The following TCP10L variants were observed in gnomAD, a reference collection of about 807,000 sequenced individuals.
TCP10L encodes the protein t-complex 10 like.
Under a neutral mutation model 19.2 loss-of-function variants are expected in TCP10L, and 11 were observed. The observed-to-expected ratio is 0.57, with a 90% CI of 0.36 to 0.95. TCP10L has a LOEUF of 0.95. Among genes scored for constraint, TCP10L ranks in the 40% least tolerant of loss-of-function variants. The pLI is 0.01. For missense variants in TCP10L, 247 were observed against 263.9 expected (o/e 0.94, Z 0.44); for synonymous variants, 96 against 97.2 (o/e 0.99, Z 0.07).
At chr21:32,579,770 A>G (rs1429053596) in intron 3 of TCP10L, among the ~76,000 whole-genome samples, 1 of 152,130 alleles carries the variant, frequency 6.6e-6, no homozygotes, top group Non-Finnish European at 1.5e-5. Context: ...AGTAGATACT[A>G]TTTTTTAGGA....
chr21:32,582,463 G>A lies in TCP10L; in HGVS notation c.145-48C>T, dbSNP rs768250303. ...AGAAAAACCTCTCAGATGTCACAAT[G>A]GGCACATTTATCTGCAAAATACTCA... On this transcript the variant is annotated intron_variant, in intron 2 of 4. Coordinates refer to ENST00000300258, the MANE Select transcript of TCP10L (RefSeq NM_144659.7). This position sits in a 1 kb window ranked among gnomAD's most constrained non-coding sequence, Gnocchi z 4.2. The A allele has an allele frequency of 9.6e-6, 15 of 1,563,628 alleles. No individual in the cohort carries two copies. The highest frequency in any genetic ancestry group is 1.3e-5 in the Non-Finnish European group (15 of 1,152,238).
intron 2 of TCP10L, among the ~76,000 whole-genome samples, chr21:32,583,580 C>A: frequency 8.3e-6 from 1 of 120,928 alleles, no homozygotes. Context: ...CAGAGCGAGA[C>A]TCCGTCTCAA....
At chr21:32,583,588 CAAAAAAA>C (rs771224269) in intron 2 of TCP10L, among the ~76,000 whole-genome samples, 19,301 of 82,326 alleles carry the variant, frequency 0.23, 1,367 homozygotes, top group East Asian at 0.37. Flanking sequence ...GACTCCGTCT[CAAAAAAA>C]AAAAAAAAAA....
Position 32,582,079 on chromosome 21 carries a change from C to T in TCP10L, c.360+121G>A, listed in dbSNP as rs754080206. 8.7e-7 allele frequency: 1 copy of T among 1,144,216 alleles called. No homozygotes were observed. Among genetic ancestry groups the T allele is most frequent in the South Asian group, 1.5e-5 (1 of 67,348 alleles). The allele number at this position is 1,144,216 out of a possible 1,614,324, so 70.9% of individuals were successfully genotyped here. On this transcript the variant is annotated intron_variant, in intron 3 of 4. Transcript: ENST00000300258. This position sits in a 1 kb window ranked among gnomAD's most constrained non-coding sequence, Gnocchi z 4.2. ...ATGGAGTTGATGGAAAGATAGCAAC[C>T]CCTCCCACCACCCGGAGCGTGAGTG...
At position 32,578,684 on chromosome 21, in the gene TCP10L, A is replaced by G. The variant is rs370366133; in HGVS notation, c.498+10T>C. On this transcript the variant is annotated intron_variant, in intron 4 of 4. Transcript: ENST00000300258. This position sits in a 1 kb window ranked among gnomAD's most constrained non-coding sequence, Gnocchi z 4.2. ...GCTTCTCTTTACAGATGATAAGCAC[A>G]AAGGGTCACCTTTGGAGGAGCTGAA... The G allele has an allele frequency of 2.9e-5, 46 of 1,612,494 alleles. No individual in the cohort carries two copies. Among genetic ancestry groups the G allele is most frequent in the African/African-American group, 4.0e-5 (3 of 74,812 alleles).
Position 32,574,300 on chromosome 21 carries a change from AC to A in TCP10L, c.*2473del, listed in dbSNP as rs2038407087. Among the ~76,000 whole-genome samples the A allele has an allele frequency of 6.6e-6, 1 of 152,134 alleles. No individual in the cohort carries two copies. Among genetic ancestry groups the A allele is most frequent in the Non-Finnish European group, 1.5e-5 (1 of 68,018 alleles). On this transcript the variant is annotated 3_prime_UTR_variant, in exon 5 of 5. Coordinates refer to ENST00000300258, the MANE Select transcript of TCP10L (RefSeq NM_144659.7). The stretch of plus-strand genomic sequence containing the variant: ...AAAAAATGAAACTTTGACTTGGGAA[AC>A]TCTTAAGCCATGAAAAATATTAATC...
rs139173829 is a variant in TCP10L at position 32,582,652 on chromosome 21, G to C, written c.145-237C>G. Among the ~76,000 whole-genome samples the C allele has an allele frequency of 1.7e-3, 265 of 151,972 alleles. No individual in the cohort carries two copies. The highest frequency in any genetic ancestry group is 2.8e-3 in the Non-Finnish European group (193 of 67,982). ...CAGTCACTCAGGCTGGAGTGCAGTG[G>C]CATGATCTCAGCTCACTGAAGCTTC... On this transcript the variant is annotated intron_variant, in intron 2 of 4. Transcript: ENST00000300258. This position sits in a 1 kb window ranked among gnomAD's most constrained non-coding sequence, Gnocchi z 4.2.
At position 32,576,376 on chromosome 21, in the gene TCP10L, C is replaced by T; in HGVS notation, c.*398G>A. Reference sequence around the variant, plus strand: ...CTTGTCACAAGGTCCCTGGAGCGGGCAATGCCTTGAGCCCAAAGGCTGGGA... The same window carrying T: ...CTTGTCACAAGGTCCCTGGAGCGGGTAATGCCTTGAGCCCAAAGGCTGGGA... On this transcript the variant is annotated 3_prime_UTR_variant, in exon 5 of 5. Transcript: ENST00000300258. 1 of 1,216,062 alleles carries T rather than the reference C, an allele frequency of 8.2e-7. No individual in the cohort carries two copies. Among genetic ancestry groups the T allele is most frequent in the Non-Finnish European group, 1.2e-6 (1 of 865,666 alleles). 75.3% of individuals were successfully genotyped at this position (1,216,062 alleles called of 1,614,324 possible). A position where few individuals can be genotyped will look rare whatever the true frequency, so the allele number is the denominator to read the frequency against.
In TCP10L at chr21:32,576,275, AT is replaced by A; in HGVS notation, c.*498del. 1 of 1,575,944 alleles carries A rather than the reference AT, an allele frequency of 6.3e-7. No individual in the cohort carries two copies. The highest frequency in any genetic ancestry group is 2.3e-5 in the East Asian group (1 of 44,238). On this transcript the variant is annotated 3_prime_UTR_variant, in exon 5 of 5. Coordinates refer to ENST00000300258, the MANE Select transcript of TCP10L (RefSeq NM_144659.7). ...GCGGCCTGGGAAGCCTGCACTGGTG[AT>A]TTTCTGCCACTCAAGTTTTGCAGAC...
chr21:32,583,361 G>A (rs1396877353), intron 2 of TCP10L, among the ~76,000 whole-genome samples: 2 of 151,808 alleles, frequency 1.3e-5, no homozygotes, highest in East Asian at 1.9e-4. Flanking sequence ...AGGCCGAGGC[G>A]GGCGGATCAC....
chr21:32,584,594 G>A (rs1440052777), intron 1 of TCP10L, among the ~76,000 whole-genome samples: 1 of 152,142 alleles, frequency 6.6e-6, no homozygotes, highest in Non-Finnish European at 1.5e-5. Context: ...TCCAAAGAGG[G>A]GTGTGAGTGG....
In TCP10L at chr21:32,576,781, C is replaced by T. The variant is rs373347740; in HGVS notation, c.641G>A (p.Gly214Asp). ...GAGGCCACCTTTCCATCTTCAGACA[C>T]CCCCCCGTCTCTCTGCACAGGGAGT... ...RPTPCAERRGGV is the reference protein window; with the variant it reads ...RPTPCAERRGDV Residue 214 changes from glycine (G) to aspartate (D), a missense_variant, in exon 5 of 5, where the codon GGT becomes GAT. Coordinates refer to ENST00000300258, the MANE Select transcript of TCP10L (RefSeq NM_144659.7). 2.5e-6 allele frequency: 4 copies of T among 1,604,630 alleles called. No homozygotes were observed. Among genetic ancestry groups the T allele is most frequent in the East Asian group, 2.2e-5 (1 of 44,680 alleles).
intron 4 of TCP10L, among the ~76,000 whole-genome samples, chr21:32,577,989 T>C (rs909617453): frequency 5.3e-5 from 8 of 152,358 alleles, no homozygotes; most frequent in Admixed American, 4.6e-4. Context: ...AGCAGAAACA[T>C]GTCCTTAAGG....
At chr21:32,584,396 G>T in intron 1 of TCP10L, 91 bp from the exon 2 acceptor site, 5 of 1,494,756 alleles carry the variant, frequency 3.3e-6, no homozygotes, top group Non-Finnish European at 4.5e-6. Context: ...CAAACTAAGG[G>T]TGAGCAGGAC....
Position 32,576,080 on chromosome 21 carries a change from A to C in TCP10L, c.*694T>G, listed in dbSNP as rs907155403. Reference sequence around the variant, plus strand: ...GACCCAACGAGGGAATCAGACAAAAAGTGGCCACAAATTAGGCAGCTCCAG... The same window carrying C: ...GACCCAACGAGGGAATCAGACAAAACGTGGCCACAAATTAGGCAGCTCCAG... On this transcript the variant is annotated 3_prime_UTR_variant, in exon 5 of 5. Transcript: ENST00000300258. 3 of 527,782 alleles carry C rather than the reference A, an allele frequency of 5.7e-6. No individual in the cohort carries two copies. The highest frequency in any genetic ancestry group is 9.7e-6 in the Non-Finnish European group (3 of 308,604). The allele number at this position is 527,782 out of a possible 1,614,324, so 32.7% of individuals were successfully genotyped here.
In TCP10L at chr21:32,578,697, T is replaced by C. The variant is rs1206080832; in HGVS notation, c.495A>G (p.Pro165=). 5 of 1,613,776 alleles carry C rather than the reference T, an allele frequency of 3.1e-6. No individual in the cohort carries two copies. Among genetic ancestry groups the C allele is most frequent in the Non-Finnish European group, 3.4e-6 (4 of 1,179,922 alleles). The stretch of plus-strand genomic sequence containing the variant: ...GATGATAAGCACAAAGGGTCACCTT[T>C]GGAGGAGCTGAATTGTTAGATGACG... The part of the protein sequence containing the change: ...QRSSSNNSAP[P]KPMSLKIERI... Residue 165 remains proline, a synonymous_variant, in exon 4 of 5, where the codon CCA becomes CCG. Transcript: ENST00000300258. The surrounding 1 kb of genome is among the most constrained non-coding windows in gnomAD (Gnocchi z 4.2).
At chr21:32,583,024 CTTTTTTT>C (rs59972145) in intron 2 of TCP10L, among the ~76,000 whole-genome samples, 2,312 of 94,580 alleles carry the variant, frequency 0.024, 18 homozygotes, top group African/African-American at 0.035. Context: ...CATTCTTTTC[CTTTTTTT>C]TTTTTTTTTT....
In TCP10L at chr21:32,584,182, G is replaced by C. The variant is rs747013751; in HGVS notation, c.123C>G (p.Asp41Glu). 4 of 1,613,774 alleles carry C rather than the reference G, an allele frequency of 2.5e-6. No homozygotes were observed. In the African/African-American group the frequency reaches 5.3e-5, roughly 22 times the overall value. ...TAVAAEVLTE[D>E]CNTGEMPPLQ... ...TCACTGGCATCTCCCCAGTGTTGCA[G>C]TCCTCCGTGAGAACCTCGGCTGCCA... The change falls in exon 2 of 5, where the codon GAC becomes GAG. Residue 41 changes from aspartate (D) to glutamate (E), a missense_variant. Physicochemically the swap from Asp to Glu is conservative, Grantham distance 45. Coordinates refer to ENST00000300258, the MANE Select transcript of TCP10L (RefSeq NM_144659.7).
At chr21:32,583,024 C>CTTTTTTTTTTTTTTTTTTTT (rs59972145) in intron 2 of TCP10L, among the ~76,000 whole-genome samples, 1 of 94,798 alleles carries the variant, frequency 1.1e-5, no homozygotes, top group Non-Finnish European at 2.1e-5. Flanking sequence ...CATTCTTTTC[C>CTTTTTTTTTTTTTTTTTTTT]TTTTTTTTTT....
Sources: gnomAD v4.1 joint callset for allele counts (sites outside exome capture counted in the v4.1 genomes callset) on GRCh38, gnomAD v4.1.1 for gene constraint, Gnocchi (gnomAD v3.1) non-coding constraint, MANE v1.5 for transcripts, NCBI Gene and HGNC (gene_info 2026-07-23, HGNC 2026-07-21) for gene names.